Variants in UQCC6 observed in about 807,000 individuals in gnomAD.
UQCC6 encodes the protein ubiquinol-cytochrome c reductase complex assembly factor 6.
At chr12:103,956,217 T>G in the UQCC6 span, 3 of 132,428 alleles carry the variant, frequency 2.3e-5, no homozygotes, top group Non-Finnish European at 4.6e-5. Context: ...CCAAGCCAAG[T>G]TGTTGGGGGG....
At chr12:103,963,515 A>G in the UQCC6 span, among the ~76,000 whole-genome samples, 3 of 152,224 alleles carry the variant, frequency 2.0e-5, no homozygotes, top group African/African-American at 7.2e-5. Context: ...AAAAACGCTT[A>G]CCTGGATTTT....
the UQCC6 span, among the ~76,000 whole-genome samples, chr12:103,954,381 G>A: frequency 3.9e-3 from 598 of 152,342 alleles, 5 homozygotes; most frequent in African/African-American, 0.013. Flanking sequence ...ACCAACATCA[G>A]TCCAGCTTCC....
At chr12:103,956,766 G>A in the UQCC6 span, 56 of 1,486,110 alleles carry the variant, frequency 3.8e-5, no homozygotes, top group Non-Finnish European at 5.0e-5. Context: ...GGGAAGGAAG[G>A]GGCAGTGTCA....
the UQCC6 span, among the ~76,000 whole-genome samples, chr12:103,951,803 C>A: frequency 5.9e-5 from 9 of 152,106 alleles, no homozygotes; most frequent in Non-Finnish European, 8.8e-5. Context: ...CCTTTCTAAC[C>A]CTGTGTTTAT....
At chr12:103,963,631 A>G in the UQCC6 span, among the ~76,000 whole-genome samples, 1 of 152,318 alleles carries the variant, frequency 6.6e-6, no homozygotes, top group Non-Finnish European at 1.5e-5. Flanking sequence ...AATTTCTACC[A>G]GCAATGCTTT....
the UQCC6 span, among the ~76,000 whole-genome samples, chr12:103,965,329 G>A: frequency 9.2e-5 from 14 of 152,322 alleles, no homozygotes; most frequent in East Asian, 2.5e-3. Flanking sequence ...TCTCGTAGAC[G>A]TCAAACGTTA....
chr12:103,950,853 G>C, the UQCC6 span: 1 of 152,096 alleles, frequency 6.6e-6, no homozygotes, highest in Non-Finnish European at 1.5e-5. Flanking sequence ...TCCCTCAGTA[G>C]CCAGACCACT....
chr12:103,959,809 T>TCC, the UQCC6 span, among the ~76,000 whole-genome samples: 1 of 144,164 alleles, frequency 6.9e-6, no homozygotes, highest in African/African-American at 2.5e-5. Context: ...TACTTTTTTT[T>TCC]TTTTTTTTTT....
At chr12:103,963,283 C>T in the UQCC6 span, among the ~76,000 whole-genome samples, 1 of 152,066 alleles carries the variant, frequency 6.6e-6, no homozygotes, top group African/African-American at 2.4e-5. Flanking sequence ...ACCATGCTGG[C>T]CAGGCCGTTC....
At chr12:103,953,432 A>G in the UQCC6 span, 4 of 702,188 alleles carry the variant, frequency 5.7e-6, no homozygotes, top group Non-Finnish European at 1.0e-5. Flanking sequence ...GTTCTCCCCA[A>G]CACAGCACTG....
the UQCC6 span, chr12:103,954,931 TG>T: frequency 1.4e-6 from 1 of 701,818 alleles, no homozygotes; most frequent in South Asian, 1.5e-5. Flanking sequence ...TATGTGACTT[TG>T]AGAAATCAAC....
the UQCC6 span, among the ~76,000 whole-genome samples, chr12:103,959,727 T>C: frequency 1.3e-5 from 2 of 151,080 alleles, no homozygotes; most frequent in African/African-American, 4.9e-5. Flanking sequence ...ATAATAATAA[T>C]AATTAACTTT....
chr12:103,961,134 T>G, the UQCC6 span, among the ~76,000 whole-genome samples: 3 of 148,258 alleles, frequency 2.0e-5, no homozygotes, highest in Admixed American at 2.1e-4. Context: ...AGGCCTAGGC[T>G]AATGTGTGTG....
the UQCC6 span, chr12:103,955,809 C>T: frequency 7.0e-5 from 32 of 455,904 alleles, no homozygotes; most frequent in East Asian, 9.0e-4. Flanking sequence ...TTATTTGTGC[C>T]ATACTTTCTC....
the UQCC6 span, among the ~76,000 whole-genome samples, chr12:103,955,211 G>A: frequency 3.2e-4 from 48 of 152,308 alleles, no homozygotes; most frequent in African/African-American, 1.1e-3. Context: ...CAGCTACTCA[G>A]GAGGCTGAAG....
chr12:103,951,063 G>A, the UQCC6 span: 2 of 152,270 alleles, frequency 1.3e-5, no homozygotes, highest in African/African-American at 4.8e-5. Context: ...CGATGATTTT[G>A]TATCCACAAA....
the UQCC6 span, among the ~76,000 whole-genome samples, chr12:103,953,989 T>C: frequency 3.3e-5 from 5 of 152,350 alleles, no homozygotes; most frequent in African/African-American, 1.2e-4. Context: ...TGCTGCTCAA[T>C]AGAACCCTTT....
chr12:103,963,343 T>C, the UQCC6 span, among the ~76,000 whole-genome samples: 4 of 152,214 alleles, frequency 2.6e-5, no homozygotes, highest in African/African-American at 9.7e-5. Flanking sequence ...CCCAAAGTGC[T>C]GGGGTTACAG....
chr12:103,953,741 C>T, the UQCC6 span: 10 of 592,560 alleles, frequency 1.7e-5, no homozygotes, highest in Non-Finnish European at 3.0e-5. Context: ...TTCAATATGG[C>T]CCTTCTAAAG....
Sources: allele counts gnomAD v4.1 joint callset (sites outside exome capture counted in the v4.1 genomes callset), GRCh38; gene constraint gnomAD v4.1.1; transcripts MANE v1.5; gene names NCBI Gene and HGNC (gene_info 2026-07-23, HGNC 2026-07-21).